Variants in POLR3H observed in about 807,000 individuals in gnomAD.
POLR3H encodes RNA polymerase III subunit H.
POLR3H carries 17 observed loss-of-function variants against 25.5 expected under a neutral mutation model. The observed-to-expected ratio is 0.67, with a 90% confidence interval of 0.46 to 1.00. POLR3H has a LOEUF of 1.00. Ranked by LOEUF, POLR3H falls within the 50% of genes least tolerant of loss-of-function variation. The pLI is 0.00. For synonymous variants in POLR3H, 129 were observed against 103.0 expected (o/e 1.25, Z -1.53); for missense variants, 274 against 265.0 (o/e 1.03, Z -0.24).
At chr22:41,534,892 CAAA>C (rs56179192) in intron 2 of POLR3H, among the ~76,000 whole-genome samples, 92 of 126,598 alleles carry the variant, frequency 7.3e-4, no homozygotes, top group Middle Eastern at 3.9e-3. Context: ...GAAACTCTGT[CAAA>C]AAAAAAAAAA....
intron 3 of POLR3H, among the ~76,000 whole-genome samples, chr22:41,532,444 C>T (rs560834710): frequency 6.6e-6 from 1 of 152,336 alleles, no homozygotes; most frequent in South Asian, 2.1e-4. Flanking sequence ...TCAGTGCCCA[C>T]CCTGAAGTCC....
At position 41,528,623 on chromosome 22, in the gene POLR3H, C is replaced by T. The variant is rs770752912; in HGVS notation, c.*660G>A. On this transcript the variant is annotated 3_prime_UTR_variant, in exon 6 of 6. Coordinates refer to ENST00000355209, the MANE Select transcript of POLR3H (RefSeq NM_001018050.4). ...GGAACTGCAACAGTGAGGGCAGTGC[C>T]TCCCCGCCCCGCCGCTGGCGTCAAG... 3 of 1,543,420 alleles carry T rather than the reference C, an allele frequency of 1.9e-6. No homozygotes were observed. Among genetic ancestry groups the T allele is most frequent in the South Asian group, 2.6e-5 (2 of 78,380 alleles).
chr22:41,532,686 T>C lies in POLR3H; in HGVS notation c.268A>G (p.Lys90Glu). 6.2e-7 allele frequency: 1 copy of C among 1,614,108 alleles called. No homozygotes were observed. The highest frequency in any genetic ancestry group is 8.5e-7 in the Non-Finnish European group (1 of 1,179,976). Residue 90 changes from lysine to glutamate, a missense_variant, in exon 3 of 6, where the codon AAA becomes GAA. Lys to Glu is a moderately conservative substitution (Grantham distance 56). Transcript: ENST00000355209. ...TGCACTCCTTCTGGGCTGCAGCCTTTGATCTTCCCAATGAGAATCTCATCT... is the reference window on the plus strand; with the variant it reads ...TGCACTCCTTCTGGGCTGCAGCCTTCGATCTTCCCAATGAGAATCTCATCT... ...FLDEILIGKI[K>E]GCSPEGVHVS...
intron 4 of POLR3H, 111 bp from the exon 5 acceptor site, chr22:41,530,999 T>C: frequency 1.9e-6 from 2 of 1,061,652 alleles, no homozygotes; most frequent in South Asian, 2.9e-5. Context: ...TCACTGTGGC[T>C]GGGAAGTCAC....
chr22:41,544,142 C>A lies in POLR3H; in HGVS notation c.-41G>T. 1 of 1,300,214 alleles carries A rather than the reference C, an allele frequency of 7.7e-7. No homozygotes were observed. Among genetic ancestry groups the A allele is most frequent in the South Asian group, 1.2e-5 (1 of 82,060 alleles). 80.5% of individuals were successfully genotyped at this position (1,300,214 alleles called of 1,614,324 possible). ...GGGCTCTGGGAACAGGAGGGTCAGT[C>A]ACGCACCAGGGCCGGGGGCAGGGAG... On this transcript the variant is annotated 5_prime_UTR_variant, in exon 1 of 6. Transcript: ENST00000355209.
At chr22:41,531,793 G>A (rs1424622762) in intron 4 of POLR3H, among the ~76,000 whole-genome samples, 1 of 152,250 alleles carries the variant, frequency 6.6e-6, no homozygotes, top group Non-Finnish European at 1.5e-5. Context: ...CAACCTAAGT[G>A]AAGTGAACCG....
chr22:41,529,957 G>T (rs552681701), intron 5 of POLR3H, among the ~76,000 whole-genome samples: 2 of 151,698 alleles, frequency 1.3e-5, no homozygotes, highest in South Asian at 2.1e-4. Flanking sequence ...GGGTTTCACC[G>T]TGTTAGCCAG....
At position 41,527,691 on chromosome 22, in the gene POLR3H, G is replaced by C; in HGVS notation, c.*1592C>G. The C allele has an allele frequency of 1.2e-6, 1 of 820,010 alleles. No homozygotes were observed. Among genetic ancestry groups the C allele is most frequent in the Non-Finnish European group, 1.9e-6 (1 of 534,538 alleles). 50.8% of individuals were successfully genotyped at this position (820,010 alleles called of 1,614,324 possible). On this transcript the variant is annotated 3_prime_UTR_variant, in exon 6 of 6. Transcript: ENST00000355209. ...GGTTCTTTCTGATCATGAATGTGCA[G>C]CAGGAAGGCCTCGCAGACCTCAGCA...
intron 1 of POLR3H, among the ~76,000 whole-genome samples, chr22:41,541,395 A>T (rs2066927075): frequency 6.6e-6 from 1 of 152,204 alleles, no homozygotes; most frequent in Non-Finnish European, 1.5e-5. Context: ...CACAAGACCT[A>T]GGCCCCAAGA....
chr22:41,533,652 A>G, intron 2 of POLR3H: 1 of 1,304,018 alleles, frequency 7.7e-7, no homozygotes, highest in Non-Finnish European at 1.0e-6. Context: ...TGGCATCAGC[A>G]GGGCATGAGG....
chr22:41,542,349 G>C (rs2145575375), intron 1 of POLR3H, among the ~76,000 whole-genome samples: 1 of 152,170 alleles, frequency 6.6e-6, no homozygotes, highest in East Asian at 1.9e-4. Flanking sequence ...CTCCCAAAGT[G>C]GTGGGATTAC....
chr22:41,530,806 T>A lies in POLR3H; in HGVS notation c.442A>T (p.Ile148Phe), dbSNP rs922757081. The change falls in exon 5 of 6, where the codon ATC becomes TTC. Residue 148 changes from isoleucine (I) to phenylalanine (F), a missense_variant. By Grantham distance (21) the Ile-to-Phe change is conservative. Coordinates refer to ENST00000355209, the MANE Select transcript of POLR3H (RefSeq NM_001018050.4). ...CTCTCGTCCACCACCCGGAAGCGGA[T>A]CTCCTCGCCGGTGTCCATGTAGAGG... ...HDLYMDTGEE[I>F]RFRVVDESFV... is the part of the protein sequence containing the mutation. 1.8e-5 allele frequency: 29 copies of A among 1,613,946 alleles called. No homozygotes were observed. Among genetic ancestry groups the A allele is most frequent in the Non-Finnish European group, 2.3e-5 (27 of 1,180,030 alleles).
At position 41,527,835 on chromosome 22, in the gene POLR3H, G is replaced by A; in HGVS notation, c.*1448C>T. ...GGGGCATCTCCCAGAGCCCCAGATG[G>A]GTTCAGAAAATGAAGCTCTCCAGGC... On this transcript the variant is annotated 3_prime_UTR_variant, in exon 6 of 6. Coordinates refer to ENST00000355209, the MANE Select transcript of POLR3H (RefSeq NM_001018050.4). 2 of 1,612,080 alleles carry A rather than the reference G, an allele frequency of 1.2e-6. No homozygotes were observed. Among genetic ancestry groups the A allele is most frequent in the Non-Finnish European group, 1.7e-6 (2 of 1,179,252 alleles).
intron 2 of POLR3H, among the ~76,000 whole-genome samples, chr22:41,538,326 G>C (rs1046645587): frequency 6.6e-6 from 1 of 151,934 alleles, no homozygotes; most frequent in Admixed American, 6.6e-5. Flanking sequence ...GTAGAGACAG[G>C]GTTTCACCGT....
chr22:41,543,737 G>T (rs918664123), intron 1 of POLR3H: 12 of 645,058 alleles, frequency 1.9e-5, no homozygotes, highest in Non-Finnish European at 3.5e-5. Context: ...GGCCCAGAAG[G>T]GGTCAGTAAC....
Position 41,528,368 on chromosome 22 carries a change from G to A in POLR3H, c.*915C>T. On this transcript the variant is annotated 3_prime_UTR_variant, in exon 6 of 6. Transcript: ENST00000355209. The stretch of plus-strand genomic sequence containing the variant: ...CACAGACTGGCCTAGGATTTGGTTT[G>A]CCTGCTGACCTCTTAGGTCCCCAGG... 1 of 1,463,356 alleles carries A rather than the reference G, an allele frequency of 6.8e-7. No homozygotes were observed. The highest frequency in any genetic ancestry group is 2.1e-5 in the Admixed American group (1 of 46,630). 90.6% of individuals were successfully genotyped at this position (1,463,356 alleles called of 1,614,324 possible).
At chr22:41,532,240 A>C in intron 3 of POLR3H, 83 bp from the exon 4 acceptor site, 1 of 1,391,808 alleles carries the variant, frequency 7.2e-7, no homozygotes, top group Non-Finnish European at 1.0e-6. Flanking sequence ...CTTGACAGGC[A>C]AGCCCTGCCT....
intron 2 of POLR3H, chr22:41,540,482 G>A: frequency 1.7e-6 from 1 of 591,636 alleles, no homozygotes. Context: ...CCATCTCTTT[G>A]ACTTTAGCCT....
At chr22:41,532,405 C>T (rs542169962) in intron 3 of POLR3H, among the ~76,000 whole-genome samples, 9 of 152,346 alleles carry the variant, frequency 5.9e-5, no homozygotes, top group Non-Finnish European at 1.3e-4. Context: ...CCAGTGGGCG[C>T]TAAAGACTCC....
Sources: allele counts gnomAD v4.1 joint callset (sites outside exome capture counted in the v4.1 genomes callset), GRCh38; gene constraint gnomAD v4.1.1; transcripts MANE v1.5; gene names NCBI Gene and HGNC (gene_info 2026-07-23, HGNC 2026-07-21).